Variants in IQGAP3 observed in about 807,000 individuals in gnomAD.
The protein encoded by IQGAP3 is ras GTPase-activating-like protein IQGAP3.
Under a neutral mutation model 208.2 loss-of-function variants are expected in IQGAP3, and 165 were observed. The observed-to-expected ratio is 0.79, with a 90% CI of 0.70 to 0.90. The LOEUF is 0.90. Ranked by LOEUF, IQGAP3 falls within the 40% of genes least tolerant of loss-of-function variation. The pLI is 0.00. For missense variants in IQGAP3, 1,811 were observed against 2,043.1 expected (o/e 0.89, Z 2.19); for synonymous variants, 703 against 803.6 (o/e 0.87, Z 2.12).
intron 26 of IQGAP3, 44 bp from the exon 27 acceptor site, chr1:156,537,365 A>G: frequency 6.4e-7 from 1 of 1,562,704 alleles, no homozygotes; most frequent in Non-Finnish European, 8.7e-7. Flanking sequence ...GCCCCCTCCA[A>G]TGGCCTCCTT....
At chr1:156,531,390 G>A in intron 32 of IQGAP3, 143 bp from the exon 33 acceptor site, 2 of 655,340 alleles carry the variant, frequency 3.1e-6, no homozygotes, top group South Asian at 3.3e-5. Flanking sequence ...GAGGGATAGG[G>A]GATGTCGTTG....
At chr1:156,547,126 GCA>G (rs1422289955) in intron 19 of IQGAP3, among the ~76,000 whole-genome samples, 5 of 152,058 alleles carry the variant, frequency 3.3e-5, no homozygotes, top group African/African-American at 1.2e-4. Context: ...TGGCTTGCTT[GCA>G]CAGTGTCTCT....
intron 2 of IQGAP3, 72 bp downstream of exon 2, chr1:156,569,304 A>C: frequency 2.2e-6 from 2 of 927,640 alleles, no homozygotes; most frequent in Admixed American, 2.0e-5. Flanking sequence ...CATTTGCTTT[A>C]GCGGCAGATG....
Position 156,527,979 on chromosome 1 carries a change from G to A in IQGAP3, c.4755C>T (p.Asp1585=), listed in dbSNP as rs755621549. 4 of 1,613,576 alleles carry A rather than the reference G, an allele frequency of 2.5e-6. No homozygotes were observed. The highest frequency in any genetic ancestry group is 3.4e-6 in the Non-Finnish European group (4 of 1,179,606). ...GATAGTGAAGCTGAAATCGCTCCAT[G>A]TCCACACCCAGGAACTTGGCATTTA... ...FEVNAKFLGV[D]MERFQLHYQD... The change falls in exon 37 of 38, where the codon GAC becomes GAT. Residue 1585 remains aspartate, a synonymous_variant. Transcript: ENST00000361170.
At chr1:156,534,264 G>T in intron 29 of IQGAP3, 123 bp from the exon 30 acceptor site, 1 of 1,440,192 alleles carries the variant, frequency 6.9e-7, no homozygotes, top group Non-Finnish European at 9.5e-7. Flanking sequence ...TCCAGTCTCA[G>T]CTTCTGCCCT....
At chr1:156,564,027 G>A (rs1457767538) in intron 5 of IQGAP3, among the ~76,000 whole-genome samples, 1 of 152,158 alleles carries the variant, frequency 6.6e-6, no homozygotes, top group African/African-American at 2.4e-5. Context: ...ATAAGATGGT[G>A]TTGGGGGTCT....
At chr1:156,564,042 G>A (rs774464694) in intron 5 of IQGAP3, among the ~76,000 whole-genome samples, 13 of 152,104 alleles carry the variant, frequency 8.5e-5, no homozygotes, top group Non-Finnish European at 1.8e-4. Context: ...GGGTCTGAGG[G>A]GATTAGGAAG....
intron 27 of IQGAP3, among the ~76,000 whole-genome samples, chr1:156,535,620 G>T (rs1674651685): frequency 6.6e-6 from 1 of 152,140 alleles, no homozygotes; most frequent in African/African-American, 2.4e-5. Flanking sequence ...TAAAGCTTGG[G>T]TATCTGACAC....
intron 16 of IQGAP3, among the ~76,000 whole-genome samples, chr1:156,549,577 A>C (rs1384100930): frequency 6.6e-6 from 1 of 152,010 alleles, no homozygotes; most frequent in Non-Finnish European, 1.5e-5. Context: ...CAGAGGTTGC[A>C]GTGAATGGAG....
chr1:156,543,934 G>T (rs781181982), intron 22 of IQGAP3, 47 bp downstream of exon 22: 19 of 1,542,494 alleles, frequency 1.2e-5, no homozygotes, highest in Non-Finnish European at 1.7e-5. Flanking sequence ...GGCTCTGTGG[G>T]GTCCTCTCCC....
At chr1:156,557,788 C>T (rs1675929105) in intron 11 of IQGAP3, among the ~76,000 whole-genome samples, 1 of 6,786 alleles carries the variant, frequency 1.5e-4, no homozygotes, top group Admixed American at 2.9e-3. Flanking sequence ...GCCGCCCAGT[C>T]CGGGAGGGAG....
chr1:156,530,162 G>A lies in IQGAP3; in HGVS notation c.4347C>T (p.Ala1449=). 2 of 1,611,112 alleles carry A rather than the reference G, an allele frequency of 1.2e-6. No homozygotes were observed. The highest frequency in any genetic ancestry group is 2.2e-5 in the East Asian group (1 of 44,804). Reference sequence around the variant, plus strand: ...CATTTCTGGCGCTGACCAACCCCAGGGCTTCAAGTCGGCGTAGGTTCCGCA... The same window carrying A: ...CATTTCTGGCGCTGACCAACCCCAGAGCTTCAAGTCGGCGTAGGTTCCGCA... ...RVLRNLRRLE[A]LGLVSARNGY... is the part of the protein sequence containing the mutation. The change falls in exon 34 of 38, where the codon GCC becomes GCT. Residue 1449 remains alanine (A), a synonymous_variant. Transcript: ENST00000361170.
chr1:156,534,936 G>A (rs728918), intron 28 of IQGAP3, among the ~76,000 whole-genome samples: 36,784 of 152,098 alleles, frequency 0.24, 5,018 homozygotes, highest in East Asian at 0.54. Flanking sequence ...CAGATCTCCT[G>A]ACAAGAAGCC....
intron 20 of IQGAP3, 43 bp downstream of exon 20, chr1:156,544,346 G>C (rs758462117): frequency 6.4e-7 from 1 of 1,569,376 alleles, no homozygotes; most frequent in South Asian, 1.1e-5. Context: ...GTTCTCAGAC[G>C]GTCCTTTGAG....
At chr1:156,551,161 A>T (rs1750299) in intron 15 of IQGAP3, among the ~76,000 whole-genome samples, 1 of 151,892 alleles carries the variant, frequency 6.6e-6, no homozygotes, top group Admixed American at 6.6e-5. Context: ...TATGAGATAC[A>T]CTCTTTACTG....
Position 156,572,508 on chromosome 1 carries a change from G to A in IQGAP3, c.22C>T (p.Pro8Ser), listed in dbSNP as rs531981978. The change falls in exon 1 of 38, where the codon CCA becomes TCA. Residue 8 changes from proline (P) to serine (S), a missense_variant. By Grantham distance (74) the Pro-to-Ser change is moderately conservative. Coordinates refer to ENST00000361170, the MANE Select transcript of IQGAP3 (RefSeq NM_178229.5). ...CCGCACTCACAGGCTGCCCAGCCTG[G>A]GCCCGCTGCTCTCCTCTCCATGTTC... MERRAAG[P>S]GWAAYERLTA... 1.1e-5 allele frequency: 18 copies of A among 1,611,930 alleles called. No homozygotes were observed. The African/African-American group carries it at 2.4e-4, about 21-fold the overall frequency.
chr1:156,560,651 G>T (rs1033052559), intron 11 of IQGAP3, among the ~76,000 whole-genome samples: 4 of 152,228 alleles, frequency 2.6e-5, no homozygotes, highest in African/African-American at 9.6e-5. Context: ...GGTTGAAACT[G>T]TCAAAATTAC....
At position 156,551,776 on chromosome 1, in the gene IQGAP3, C is replaced by T; in HGVS notation, c.1663G>A (p.Asp555Asn). Residue 555 changes from aspartate to asparagine, a missense_variant, in exon 15 of 38, where the codon GAT becomes AAT. Physicochemically the swap from Asp to Asn is conservative, Grantham distance 23. Coordinates refer to ENST00000361170, the MANE Select transcript of IQGAP3 (RefSeq NM_178229.5). The part of the protein sequence containing the change: ...SALLLPAAGL[D>N]DVSLPVAPRY... ...GGGGCGACAGGGAGGCTGACATCATCTAGGCCAGCTGCAGGAAGCAGTAGG... is the reference window on the plus strand; with the variant it reads ...GGGGCGACAGGGAGGCTGACATCATTTAGGCCAGCTGCAGGAAGCAGTAGG... The T allele has an allele frequency of 1.2e-6, 2 of 1,614,060 alleles. No homozygotes were observed. Among genetic ancestry groups the T allele is most frequent in the Non-Finnish European group, 1.7e-6 (2 of 1,180,000 alleles).
Position 156,530,146 on chromosome 1 carries a change from C to G in IQGAP3, c.4363G>C (p.Ala1455Pro), listed in dbSNP as rs368191209. ...RRLEALGLVS[A>P]RNGYQGLVDE... is the part of the protein sequence containing the mutation. ...ACTAGCCCCTGGTAGCCATTTCTGGCGCTGACCAACCCCAGGGCTTCAAGT... is the reference window on the plus strand; with the variant it reads ...ACTAGCCCCTGGTAGCCATTTCTGGGGCTGACCAACCCCAGGGCTTCAAGT... Residue 1455 changes from alanine (A) to proline (P), a missense_variant, in exon 34 of 38, where the codon GCC (alanine) becomes CCC (proline). Transcript: ENST00000361170. The G allele has an allele frequency of 6.2e-7, 1 of 1,608,980 alleles. No homozygotes were observed. The highest frequency in any genetic ancestry group is 1.1e-5 in the South Asian group (1 of 89,774).
Sources: gnomAD v4.1 joint callset for allele counts (sites outside exome capture counted in the v4.1 genomes callset) on GRCh38, gnomAD v4.1.1 for gene constraint, MANE v1.5 for transcripts, NCBI Gene and HGNC (gene_info 2026-07-23, HGNC 2026-07-21) for gene names.